TNRC6B: variants seen among roughly 807,000 people sequenced by gnomAD.
TNRC6B encodes trinucleotide repeat containing adaptor 6B, also known as trinucleotide repeat-containing gene 6B protein.
A neutral mutation model predicts 203.6 loss-of-function variants in TNRC6B; 52 were observed. That is an observed-to-expected ratio of 0.26 (90% CI 0.20 to 0.32). The LOEUF (loss-of-function observed/expected upper bound fraction) is 0.32, where lower values mean the gene tolerates loss of function less well. TNRC6B is among the 10% of genes least tolerant of loss of function. The probability of loss-of-function intolerance (pLI) is 1.00; values close to 1 mark genes in which losing one functional copy is unlikely to be tolerated. For missense variants in TNRC6B, 1,923 were observed against 2,286.2 expected (o/e 0.84, Z 3.24); for synonymous variants, 838 against 845.7 (o/e 0.99, Z 0.16).
At chr22:40,174,103 TC>T (rs755447962), upstream of TNRC6B, among the ~76,000 whole-genome samples, 28 of 151,774 alleles carry the variant, frequency 1.8e-4, no homozygotes, top group Non-Finnish European at 3.4e-4. Context: ...CCAGCCTTTT[TC>T]TAGATTTTTG....
At chr22:40,053,880 C>T (rs995844130) in intron 1 of TNRC6B, among the ~76,000 whole-genome samples, 1 of 152,152 alleles carries the variant, frequency 6.6e-6, no homozygotes, top group African/African-American at 2.4e-5. Flanking sequence ...AAAACATTTA[C>T]TTAAAAAGCA....
intron 3 of TNRC6B, among the ~76,000 whole-genome samples, chr22:40,258,157 C>T (rs913864917): frequency 2.4e-5 from 3 of 126,386 alleles, no homozygotes; most frequent in Non-Finnish European, 3.2e-5. Flanking sequence ...AGCCACAAAC[C>T]TTTCCTCTGG....
intron 3 of TNRC6B, among the ~76,000 whole-genome samples, chr22:40,255,843 CTTGTTTGT>C (rs150478933): frequency 2.3e-4 from 35 of 151,572 alleles, no homozygotes; most frequent in African/African-American, 4.4e-4. Flanking sequence ...TGTTTGTTTG[CTTGTTTGT>C]TTGTTTGTTT....
intron 1 of TNRC6B, among the ~76,000 whole-genome samples, chr22:40,049,763 C>G (rs1195631853): frequency 6.6e-6 from 1 of 152,116 alleles, no homozygotes; most frequent in Non-Finnish European, 1.5e-5. Context: ...ACCACCAAAT[C>G]TGGCTAATTT....
chr22:40,128,146 A>G (rs2146326176), intron 3 of TNRC6B, among the ~76,000 whole-genome samples: 1 of 152,348 alleles, frequency 6.6e-6, no homozygotes, highest in African/African-American at 2.4e-5. Context: ...GTTATAAATT[A>G]GATTATAACT....
At chr22:40,232,810 C>T (rs1319707711) in intron 1 of TNRC6B, among the ~76,000 whole-genome samples, 1 of 152,270 alleles carries the variant, frequency 6.6e-6, no homozygotes, top group Admixed American at 6.5e-5. Flanking sequence ...AACAGGAATT[C>T]GAGACCAGCC....
At chr22:40,284,855 C>A (rs1335349061) in intron 11 of TNRC6B, among the ~76,000 whole-genome samples, 1 of 152,158 alleles carries the variant, frequency 6.6e-6, no homozygotes, top group East Asian at 1.9e-4. Context: ...AATATGGTTT[C>A]TTCGCTGAAG....
chr22:40,057,711 G>A (rs1317792771), intron 1 of TNRC6B, among the ~76,000 whole-genome samples: 2 of 152,194 alleles, frequency 1.3e-5, no homozygotes, highest in African/African-American at 4.8e-5. Flanking sequence ...AGCATATCAA[G>A]AGAAATGTCT....
chr22:40,252,918 T>G (rs1601921964), intron 3 of TNRC6B, among the ~76,000 whole-genome samples: 1 of 152,050 alleles, frequency 6.6e-6, no homozygotes, highest in East Asian at 1.9e-4. Flanking sequence ...AAACTGGCAT[T>G]TTTTCCTGGA....
At chr22:40,257,735 A>G (rs1198471273) in intron 3 of TNRC6B, among the ~76,000 whole-genome samples, 1 of 151,564 alleles carries the variant, frequency 6.6e-6, no homozygotes, top group Non-Finnish European at 1.5e-5. Flanking sequence ...AAGTAAATGA[A>G]TGGACGGCCA....
At chr22:40,202,078 A>T (rs1418867846) in intron 1 of TNRC6B, among the ~76,000 whole-genome samples, 1 of 152,084 alleles carries the variant, frequency 6.6e-6, no homozygotes. Context: ...AAGCCAAGAA[A>T]ATACTGTCTT....
Position 40,285,537 on chromosome 22 carries a change from T to C in TNRC6B, c.3583-108T>C, listed in dbSNP as rs930109013. On this transcript the variant is annotated intron_variant, in intron 11 of 22. Coordinates refer to ENST00000454349, the MANE Select transcript of TNRC6B (RefSeq NM_001162501.2). The stretch of plus-strand genomic sequence containing the variant: ...TCAGTTACAAAATTCTGTTATTCCA[T>C]CGAACACAGCCTGTGATTCTTCTGA... The C allele has an allele frequency of 5.2e-6, 7 of 1,349,944 alleles. No individual in the cohort carries two copies. The African/African-American group carries it at 7.3e-5, about 14-fold the overall frequency. 83.6% of individuals were successfully genotyped at this position (1,349,944 alleles called of 1,614,324 possible).
intron 1 of TNRC6B, among the ~76,000 whole-genome samples, chr22:40,075,152 A>ATT (rs2067996470): frequency 4.6e-5 from 3 of 65,182 alleles, no homozygotes; most frequent in Non-Finnish European, 7.7e-5. Context: ...ATATATATAT[A>ATT]TATATTTTTT....
At chr22:40,152,514 G>C (rs922391669) in intron 3 of TNRC6B, among the ~76,000 whole-genome samples, 3 of 152,024 alleles carry the variant, frequency 2.0e-5, no homozygotes, top group African/African-American at 7.2e-5. Flanking sequence ...ATTTTTAGTA[G>C]AGACGGGGTT....
At chr22:40,047,844 C>T (rs750456046) in intron 1 of TNRC6B, among the ~76,000 whole-genome samples, 4 of 152,144 alleles carry the variant, frequency 2.6e-5, no homozygotes, top group Non-Finnish European at 5.9e-5. Context: ...TTTTTCTATC[C>T]AGCACAGTGC....
chr22:40,122,523 T>C (rs973451159), intron 2 of TNRC6B, among the ~76,000 whole-genome samples: 7 of 152,184 alleles, frequency 4.6e-5, no homozygotes, highest in Admixed American at 3.9e-4. Flanking sequence ...CTGGGGCAGC[T>C]GGTTTCCAGA....
rs530283467 is a variant in TNRC6B, at chr22:40,200,381, G to A, written c.5+22241G>A. 5.3e-4 allele frequency among the ~76,000 whole-genome samples: 73 copies of A among 136,732 alleles called. 1 individual carries two copies. In the East Asian group the frequency reaches 0.015, roughly 27 times the overall value. 89.7% of individuals were successfully genotyped at this position (136,732 alleles called of 152,430 possible). A position where few individuals can be genotyped will look rare whatever the true frequency, so the allele number is the denominator to read the frequency against. On this transcript the variant is annotated intron_variant, in intron 1 of 22. Coordinates refer to ENST00000454349, the MANE Select transcript of TNRC6B (RefSeq NM_001162501.2). ...GGCTCACTACAACCTCTGCCTGCCG[G>A]GTTCAAGCGTTTCTCCTGCCTCAGC...
chr22:40,277,073 G>A lies in TNRC6B; in HGVS notation c.3142-4G>A. 1.3e-6 allele frequency: 2 copies of A among 1,595,472 alleles called. No individual in the cohort carries two copies. The highest frequency in any genetic ancestry group is 1.2e-5 in the South Asian group (1 of 86,128). On this transcript the variant is annotated splice_region_variant and splice_polypyrimidine_tract_variant and intron_variant, in intron 7 of 22. Coordinates refer to ENST00000454349, the MANE Select transcript of TNRC6B (RefSeq NM_001162501.2). ...TTCTGAGGTTCCGTGTTTCATTTCT[G>A]TAGTGCTCACTCAAAGGAGGAAACA... is the stretch of plus-strand genomic sequence containing the variant.
intron 1 of TNRC6B, among the ~76,000 whole-genome samples, chr22:40,098,409 A>AAAG (rs1441449911): frequency 1.3e-4 from 19 of 149,418 alleles, no homozygotes; most frequent in African/African-American, 4.2e-4. Context: ...AAAAAAAAAA[A>AAAG]GGGAATTACT....
Sources: gnomAD v4.1 joint callset for allele counts (sites outside exome capture counted in the v4.1 genomes callset) on GRCh38, gnomAD v4.1.1 for gene constraint, MANE v1.5 for transcripts, NCBI Gene and HGNC (gene_info 2026-07-23, HGNC 2026-07-21) for gene names.